Variants in RALYL observed in about 807,000 individuals in gnomAD.
RALYL encodes RALY RNA binding protein like, also known as RNA-binding Raly-like protein.
A neutral mutation model predicts 35.1 loss-of-function variants in RALYL; 29 were observed. That is an observed-to-expected ratio of 0.83 (90% CI 0.61 to 1.13). The LOEUF is 1.13. RALYL is among the 50% of genes most tolerant of loss of function. RALYL has a pLI of 0.00. For synonymous variants in RALYL, 120 were observed against 127.6 expected (o/e 0.94, Z 0.40); for missense variants, 359 against 360.4 (o/e 1.00, Z 0.03).
In RALYL at chr8:84,698,720, C is replaced by A. The variant is rs552579265; in HGVS notation, c.257-75859C>A. ...AAGTTTCAGGAAAGACAGACGTTGA[C>A]TAAGATAGAATCAGCCAGGAAAAGA... is the stretch of plus-strand genomic sequence containing the variant. On this transcript the variant is annotated intron_variant, in intron 2 of 8. Coordinates refer to ENST00000521268, the MANE Select transcript of RALYL (RefSeq NM_173848.7). 2.6e-5 allele frequency among the ~76,000 whole-genome samples: 4 copies of A among 152,192 alleles called. No homozygotes were observed. In the South Asian group the frequency reaches 8.3e-4, roughly 32 times the overall value.
intron 1 of RALYL, among the ~76,000 whole-genome samples, chr8:84,356,023 A>G (rs949077299): frequency 3.3e-5 from 5 of 149,750 alleles, no homozygotes; most frequent in African/African-American, 1.2e-4. Context: ...TGATGGTTTA[A>G]AAGTGTGTGG....
At position 84,920,942 on chromosome 8, in the gene RALYL, AAAAGAG is replaced by A. The variant is rs1489476917; in HGVS notation, c.*35_*40del. ...AATAACGCATGATGCCACAAAGCAG[AAAAGAG>A]AAACTGTGACAACCCCCAGAAATGT... On this transcript the variant is annotated 3_prime_UTR_variant, in exon 9 of 9. Transcript: ENST00000521268. 7.1e-7 allele frequency: 1 copy of A among 1,402,210 alleles called. No individual in the cohort carries two copies. The highest frequency in any genetic ancestry group is 9.5e-7 in the Non-Finnish European group (1 of 1,047,212). 86.9% of individuals were successfully genotyped at this position (1,402,210 alleles called of 1,614,324 possible).
At chr8:84,846,338 T>C (rs576034399) in intron 4 of RALYL, among the ~76,000 whole-genome samples, 8 of 152,328 alleles carry the variant, frequency 5.3e-5, no homozygotes, top group Admixed American at 3.9e-4. Context: ...GTTCTCCTTG[T>C]AGAGATCTTT....
chr8:84,239,289 G>A (rs539508255), intron 1 of RALYL, among the ~76,000 whole-genome samples: 1 of 152,232 alleles, frequency 6.6e-6, no homozygotes, highest in East Asian at 1.9e-4. Context: ...AACATAACTT[G>A]ATAAATATAA....
intron 1 of RALYL, among the ~76,000 whole-genome samples, chr8:84,186,440 T>C (rs1812544635): frequency 6.6e-6 from 1 of 152,216 alleles, no homozygotes; most frequent in African/African-American, 2.4e-5. Flanking sequence ...GTGTATAATA[T>C]ATTTTTGTAT....
intron 2 of RALYL, among the ~76,000 whole-genome samples, chr8:84,578,825 G>A (rs1212871546): frequency 2.6e-5 from 4 of 152,198 alleles, no homozygotes; most frequent in Non-Finnish European, 5.9e-5. Flanking sequence ...GTCTGGCTGG[G>A]TCTGGGGGTT....
intron 2 of RALYL, among the ~76,000 whole-genome samples, chr8:84,680,417 A>T (rs574796156): frequency 6.6e-6 from 1 of 152,298 alleles, no homozygotes; most frequent in Non-Finnish European, 1.5e-5. Context: ...TCCCTGAGGA[A>T]TCGCCACACT....
chr8:84,847,883 C>A (rs1399578586), intron 4 of RALYL, among the ~76,000 whole-genome samples: 1 of 152,124 alleles, frequency 6.6e-6, no homozygotes, highest in Non-Finnish European at 1.5e-5. Context: ...GAACTGGAGG[C>A]AGACTTTACC....
chr8:84,615,933 T>A (rs28532052), intron 2 of RALYL, among the ~76,000 whole-genome samples: 3,965 of 32,262 alleles, frequency 0.12, 222 homozygotes, highest in Non-Finnish European at 0.14. Context: ...ACTCATCATT[T>A]TTTATGGCTG....
chr8:84,627,331 C>A (rs1822951941), intron 2 of RALYL, among the ~76,000 whole-genome samples: 1 of 97,842 alleles, frequency 1.0e-5, no homozygotes, highest in Admixed American at 9.5e-5. Context: ...ACCTGAAATC[C>A]CTATCCCAGA....
chr8:84,806,570 A>G (rs1251744988), intron 4 of RALYL, among the ~76,000 whole-genome samples: 1 of 152,106 alleles, frequency 6.6e-6, no homozygotes, highest in Non-Finnish European at 1.5e-5. Context: ...CTCTCCAAAA[A>G]AAAAAAAAAA....
intron 2 of RALYL, among the ~76,000 whole-genome samples, chr8:84,554,088 G>T (rs2060933044): frequency 6.6e-6 from 1 of 151,880 alleles, no homozygotes; most frequent in Non-Finnish European, 1.5e-5. Context: ...AAACTTAATA[G>T]GTTTCTTTTA....
At chr8:84,704,336 A>G (rs1406786854) in intron 2 of RALYL, among the ~76,000 whole-genome samples, 1 of 152,002 alleles carries the variant, frequency 6.6e-6, no homozygotes, top group Non-Finnish European at 1.5e-5. Context: ...GAGGCAGGAG[A>G]ATCGCTTGAA....
intron 1 of RALYL, among the ~76,000 whole-genome samples, chr8:84,200,958 A>T (rs985150712): frequency 9.2e-5 from 14 of 152,174 alleles, no homozygotes; most frequent in African/African-American, 3.4e-4. Context: ...TATTTCATGA[A>T]AATTCATTTT....
At chr8:84,292,672 A>G (rs1213224446) in intron 1 of RALYL, among the ~76,000 whole-genome samples, 1 of 152,078 alleles carries the variant, frequency 6.6e-6, no homozygotes, top group African/African-American at 2.4e-5. Flanking sequence ...TCACTGCTAC[A>G]CTCTCACCAG....
intron 4 of RALYL, among the ~76,000 whole-genome samples, chr8:84,820,582 A>C (rs1468352469): frequency 6.6e-6 from 1 of 152,098 alleles, no homozygotes; most frequent in African/African-American, 2.4e-5. Context: ...CGTGTGCTGA[A>C]CATGCAGGTG....
At chr8:84,484,143 T>A (rs2054347080) in intron 1 of RALYL, among the ~76,000 whole-genome samples, 1 of 152,134 alleles carries the variant, frequency 6.6e-6, no homozygotes, top group South Asian at 2.1e-4. Context: ...ACTTTAACAT[T>A]CAGTAACTTT....
At chr8:84,233,571 T>C (rs763056451) in intron 1 of RALYL, among the ~76,000 whole-genome samples, 1 of 152,110 alleles carries the variant, frequency 6.6e-6, no homozygotes, top group African/African-American at 2.4e-5. Flanking sequence ...TAGTACTGCT[T>C]CTTAGTCACC....
At chr8:84,773,120 A>G (rs1815953943) in intron 2 of RALYL, among the ~76,000 whole-genome samples, 1 of 152,148 alleles carries the variant, frequency 6.6e-6, no homozygotes, top group South Asian at 2.1e-4. Flanking sequence ...GCTGAACCAC[A>G]AGGATGTAAA....
Sources: allele counts gnomAD v4.1 joint callset (sites outside exome capture counted in the v4.1 genomes callset), GRCh38; gene constraint gnomAD v4.1.1; transcripts MANE v1.5; gene names NCBI Gene and HGNC (gene_info 2026-07-23, HGNC 2026-07-21).